Variants in DSC1 observed in about 807,000 individuals in gnomAD.
DSC1 encodes desmocollin 1.
A neutral mutation model predicts 98.8 loss-of-function variants in DSC1; 79 were observed. That is an observed-to-expected ratio of 0.80 (90% CI 0.67 to 0.96). The LOEUF (loss-of-function observed/expected upper bound fraction) is 0.96, where lower values mean the gene tolerates loss of function less well. Ranked by LOEUF, DSC1 falls within the 50% of genes least tolerant of loss-of-function variation. DSC1 has a pLI of 0.00. For missense variants in DSC1, 1,115 were observed against 1,075.9 expected, an observed-to-expected ratio of 1.04 and a Z score of -0.51; for synonymous variants, 405 against 372.1, an observed-to-expected ratio of 1.09 and a Z score of -1.02.
intron 2 of DSC1, 32 bp from the exon 3 acceptor site, chr18:31,157,605 A>C: frequency 1.9e-6 from 3 of 1,612,460 alleles, no homozygotes; most frequent in Non-Finnish European, 2.5e-6. Flanking sequence ...GCAGTTTGTC[A>C]GATGAAACAG....
chr18:31,132,366 A>T lies in DSC1; in HGVS notation c.2238+202T>A, dbSNP rs1457252924. The T allele has an allele frequency of 2.3e-5, 13 of 562,406 alleles. No homozygotes were observed. The East Asian group carries it at 4.4e-4, about 19-fold the overall frequency. The allele number at this position is 562,406 out of a possible 1,614,324, so 34.8% of individuals were successfully genotyped here. On this transcript the variant is annotated intron_variant, in intron 14 of 15. Transcript: ENST00000257198. Reference sequence around the variant, plus strand: ...GTGAAACAATACTTGTCTGTTGTTTAAGTCACTCAGTTTGTTGTGACAGCC... The same window carrying T: ...GTGAAACAATACTTGTCTGTTGTTTTAGTCACTCAGTTTGTTGTGACAGCC...
intron 9 of DSC1, among the ~76,000 whole-genome samples, 160 bp from the exon 10 acceptor site, chr18:31,140,461 C>A (rs1370941428): frequency 3.3e-5 from 5 of 152,160 alleles, no homozygotes; most frequent in Non-Finnish European, 7.4e-5. Context: ...CCTAAAGTGA[C>A]AAACATTGCC....
At chr18:31,148,427 C>A in intron 6 of DSC1, 71 bp downstream of exon 6, 5 of 1,429,070 alleles carry the variant, frequency 3.5e-6, no homozygotes, top group East Asian at 2.4e-5. Flanking sequence ...AAAACGTAAA[C>A]ATCTTTAATT....
chr18:31,149,379 ACT>A (rs1835883800), intron 5 of DSC1, among the ~76,000 whole-genome samples: 1 of 152,152 alleles, frequency 6.6e-6, no homozygotes, highest in Non-Finnish European at 1.5e-5. Flanking sequence ...AATTTTCCCT[ACT>A]GTAACCACTT....
At chr18:31,157,161 C>T (rs574801004) in intron 3 of DSC1, among the ~76,000 whole-genome samples, 1 of 152,314 alleles carries the variant, frequency 6.6e-6, no homozygotes, top group African/African-American at 2.4e-5. Context: ...TGCTCCTGGT[C>T]TACAGAGTCA....
intron 7 of DSC1, among the ~76,000 whole-genome samples, 191 bp downstream of exon 7, chr18:31,145,420 G>A (rs971755829): frequency 6.6e-6 from 1 of 152,170 alleles, no homozygotes; most frequent in African/African-American, 2.4e-5. Context: ...TTTCAAGTGA[G>A]GCCCTGTCTA....
Position 31,156,161 on chromosome 18 carries a change from G to A in DSC1, c.353C>T (p.Ser118Phe). 6.3e-7 allele frequency: 1 copy of A among 1,597,956 alleles called. No individual in the cohort carries two copies. The highest frequency in any genetic ancestry group is 8.5e-7 in the Non-Finnish European group (1 of 1,176,022). ...KVVLSARENKSPKKRHTKDTA... is the reference protein window; with the variant it reads ...KVVLSARENKFPKKRHTKDTA... Reference sequence around the variant, plus strand: ...GTCTTTGGTATGTCTCTTCTTAGGAGACTACATTTGACAAGAAACAAAGAA... The same window carrying A: ...GTCTTTGGTATGTCTCTTCTTAGGAAACTACATTTGACAAGAAACAAAGAA... The change falls in exon 4 of 16, where the codon TCT becomes TTT. Residue 118 changes from serine to phenylalanine, a missense_variant and splice_region_variant. By Grantham distance (155) the Ser-to-Phe change is radical (BLOSUM62 -2). Coordinates refer to ENST00000257198, the MANE Select transcript of DSC1 (RefSeq NM_024421.2).
At chr18:31,137,965 ATGTGTGTGTGTG>A (rs201493651) in intron 11 of DSC1, among the ~76,000 whole-genome samples, 1,897 of 141,620 alleles carry the variant, frequency 0.013, 30 homozygotes, top group African/African-American at 0.046. Flanking sequence ...TCAGAGCAAA[ATGTGTGTGTGTG>A]TGTGTGTGTG....
At chr18:31,138,542 C>T (rs965465940) in intron 11 of DSC1, among the ~76,000 whole-genome samples, 1 of 151,426 alleles carries the variant, frequency 6.6e-6, no homozygotes, top group African/African-American at 2.4e-5. Flanking sequence ...AATGAGTAAA[C>T]ATAAAGTCTT....
chr18:31,137,869 A>T (rs1349821439), intron 11 of DSC1, among the ~76,000 whole-genome samples: 1 of 152,092 alleles, frequency 6.6e-6, no homozygotes, highest in Non-Finnish European at 1.5e-5. Flanking sequence ...CATCAGCCAG[A>T]CTGACAGAGG....
intron 15 of DSC1, 38 bp downstream of exon 15, chr18:31,131,556 C>T (rs1789072): frequency 0.79 from 1,269,015 of 1,603,442 alleles, 513,198 homozygotes; most frequent in Non-Finnish European, 0.83. Context: ...TAGCATTTAA[C>T]TTCCATGTAA....
rs900278114 is a variant in DSC1, at chr18:31,130,560, A to G, written c.2639T>C (p.Leu880Pro). 1 of 1,614,188 alleles carries G rather than the reference A, an allele frequency of 6.2e-7. No homozygotes were observed. ...EEEGLEFLDH[L>P]EPKFRTLAKT... ...TGCTAATGTCCTAAATTTGGGTTCC[A>G]GGTGATCTAGAAACTCCAGTCCCTC... Residue 880 changes from leucine to proline, a missense_variant, in exon 16 of 16, where the codon CTG becomes CCG. Physicochemically the swap from Leu to Pro is moderately conservative, Grantham distance 98. Coordinates refer to ENST00000257198, the MANE Select transcript of DSC1 (RefSeq NM_024421.2).
chr18:31,138,186 C>A (rs944061518), intron 11 of DSC1, among the ~76,000 whole-genome samples: 1 of 152,064 alleles, frequency 6.6e-6, no homozygotes, highest in African/African-American at 2.4e-5. Flanking sequence ...TGCTTACAGA[C>A]TTTGTCTTTT....
In DSC1 at chr18:31,130,650, T is replaced by G. The variant is rs1431659410; in HGVS notation, c.2549A>C (p.Tyr850Ser). 7.4e-6 allele frequency: 12 copies of G among 1,614,086 alleles called. No homozygotes were observed. The highest frequency in any genetic ancestry group is 9.3e-6 in the Non-Finnish European group (11 of 1,180,046). The change falls in exon 16 of 16, where the codon TAT becomes TCT. Residue 850 changes from tyrosine (Y) to serine (S), a missense_variant. Transcript: ENST00000257198. The stretch of plus-strand genomic sequence containing the variant: ...CAGAGAACCTTTGCCTTCATAGTTA[T>G]ACGAACAAACGTAGTCTTCACAATG... ...HKHCEDYVCS[Y>S]NYEGKGSLAG...
intron 11 of DSC1, among the ~76,000 whole-genome samples, chr18:31,138,140 A>G (rs1988651945): frequency 6.6e-6 from 1 of 152,070 alleles, no homozygotes. Flanking sequence ...TAGATTTGTT[A>G]AAGTTTGCTT....
rs1221269345 is a variant in DSC1 at position 31,162,740 on chromosome 18, A to G, written c.-146T>C. 5 of 661,170 alleles carry G rather than the reference A, an allele frequency of 7.6e-6. No individual in the cohort carries two copies. The African/African-American group carries it at 9.2e-5, about 12-fold the overall frequency. 41.0% of individuals were successfully genotyped at this position (661,170 alleles called of 1,614,324 possible). On this transcript the variant is annotated 5_prime_UTR_variant, in exon 1 of 16. Coordinates refer to ENST00000257198, the MANE Select transcript of DSC1 (RefSeq NM_024421.2). ...GAGCTTGGTTTGGAAGACAGTCCGG[A>G]GGCAAGTGATAAACAGTAGGAGGAG...
intron 5 of DSC1, among the ~76,000 whole-genome samples, chr18:31,150,458 C>CCACCAT (rs1988977220): frequency 1.8e-4 from 1 of 5,498 alleles, no homozygotes. Flanking sequence ...ACCACCACCA[C>CCACCAT]CATCATCATC....
chr18:31,150,219 C>CATCAT (rs1988941471), intron 5 of DSC1, among the ~76,000 whole-genome samples: 1 of 144,104 alleles, frequency 6.9e-6, no homozygotes, highest in African/African-American at 2.6e-5. Flanking sequence ...ACCACCATCA[C>CATCAT]CACCACTACC....
chr18:31,154,429 A>G (rs112083428), intron 5 of DSC1, among the ~76,000 whole-genome samples: 2 of 152,244 alleles, frequency 1.3e-5, no homozygotes, highest in Admixed American at 6.5e-5. Flanking sequence ...AAGTTCTCAC[A>G]TGACTTATAA....
Sources: allele counts gnomAD v4.1 joint callset (sites outside exome capture counted in the v4.1 genomes callset), GRCh38; gene constraint gnomAD v4.1.1; transcripts MANE v1.5; gene names NCBI Gene and HGNC (gene_info 2026-07-23, HGNC 2026-07-21).